Variants in LRRTM4 observed in about 807,000 individuals in gnomAD.
The protein encoded by LRRTM4 is leucine rich repeat transmembrane neuronal 4, also known as leucine-rich repeat transmembrane neuronal protein 4.
In LRRTM4, 25 loss-of-function variants were observed where a neutral mutation model predicts 47.6. That is an observed-to-expected ratio of 0.53 (90% CI 0.38 to 0.73). The LOEUF (loss-of-function observed/expected upper bound fraction) is 0.73, where lower values mean the gene tolerates loss of function less well. Ranked by LOEUF, LRRTM4 falls within the 30% of genes least tolerant of loss-of-function variation. The pLI is 0.00. For missense variants in LRRTM4, 638 were observed against 713.4 expected (o/e 0.89, Z 1.20); for synonymous variants, 311 against 269.5 (o/e 1.15, Z -1.51).
intron 3 of LRRTM4, among the ~76,000 whole-genome samples, chr2:77,366,945 C>T (rs1672483070): frequency 6.6e-6 from 1 of 151,822 alleles, no homozygotes; most frequent in Admixed American, 6.6e-5. Flanking sequence ...TTTCTACTCT[C>T]CTTCATTAAT....
intron 3 of LRRTM4, among the ~76,000 whole-genome samples, chr2:76,780,906 C>G (rs1380196811): frequency 6.6e-6 from 1 of 151,724 alleles, no homozygotes; most frequent in Non-Finnish European, 1.5e-5. Context: ...TACTTTTGGT[C>G]TTTGATGATG....
intron 3 of LRRTM4, among the ~76,000 whole-genome samples, chr2:76,992,510 A>T (rs1047761913): frequency 2.8e-4 from 43 of 151,644 alleles, no homozygotes; most frequent in African/African-American, 1.0e-3. Flanking sequence ...AATTAAAATC[A>T]AGAACATTTT....
chr2:76,871,618 T>G (rs1018824484), intron 3 of LRRTM4, among the ~76,000 whole-genome samples: 1 of 152,200 alleles, frequency 6.6e-6, no homozygotes, highest in African/African-American at 2.4e-5. Flanking sequence ...GACTTCTGGG[T>G]AACCCTCTCC....
At chr2:76,919,443 T>C (rs895498149) in intron 3 of LRRTM4, among the ~76,000 whole-genome samples, 20 of 152,252 alleles carry the variant, frequency 1.3e-4, no homozygotes, top group African/African-American at 4.3e-4. Context: ...CAAGGACCAG[T>C]ACTGAAGACA....
At chr2:77,121,369 A>C (rs1486544071) in intron 3 of LRRTM4, among the ~76,000 whole-genome samples, 1 of 151,786 alleles carries the variant, frequency 6.6e-6, no homozygotes, top group African/African-American at 2.4e-5. Context: ...ATAATAAATT[A>C]CCTCTTCCCA....
At chr2:76,851,754 CGTTTTTT>C (rs1412902957) in intron 3 of LRRTM4, among the ~76,000 whole-genome samples, 17 of 108,644 alleles carry the variant, frequency 1.6e-4, no homozygotes, top group African/African-American at 5.5e-4. Flanking sequence ...AACTTTTATT[CGTTTTTT>C]TTTTTTTTTT....
At chr2:77,463,146 TGTATGGTA>T (rs1676854646) in intron 3 of LRRTM4, among the ~76,000 whole-genome samples, 1 of 152,060 alleles carries the variant, frequency 6.6e-6, no homozygotes, top group African/African-American at 2.4e-5. Flanking sequence ...ACACCTAGGC[TGTATGGTA>T]TAGCCTGTTG....
At chr2:77,390,757 T>A (rs1043315966) in intron 3 of LRRTM4, among the ~76,000 whole-genome samples, 1 of 151,708 alleles carries the variant, frequency 6.6e-6, no homozygotes, top group Non-Finnish European at 1.5e-5. Flanking sequence ...ATTAAATATT[T>A]TACAAGAAAA....
chr2:76,941,784 T>C (rs1675152245), intron 3 of LRRTM4, among the ~76,000 whole-genome samples: 2 of 152,204 alleles, frequency 1.3e-5, no homozygotes, highest in Admixed American at 6.5e-5. Context: ...CGTGTGCATG[T>C]GTCTTTAGAG....
At chr2:77,107,028 C>A (rs2103924195) in intron 3 of LRRTM4, among the ~76,000 whole-genome samples, 1 of 151,962 alleles carries the variant, frequency 6.6e-6, no homozygotes, top group East Asian at 1.9e-4. Context: ...TTTTTCTCAG[C>A]AATTTTTGTA....
intron 3 of LRRTM4, among the ~76,000 whole-genome samples, chr2:77,360,504 TACGATAC>T (rs1672157616): frequency 5.3e-5 from 8 of 150,150 alleles, no homozygotes; most frequent in Non-Finnish European, 1.2e-4. Flanking sequence ...TACGATACGA[TACGATAC>T]GATACGATAC....
intron 3 of LRRTM4, among the ~76,000 whole-genome samples, chr2:77,190,317 C>T (rs1223020767): frequency 1.8e-4 from 20 of 109,050 alleles, no homozygotes; most frequent in Non-Finnish European, 2.8e-4. Context: ...TTTTTTGAGA[C>T]GGAGTTTCAC....
At chr2:77,269,137 A>T (rs1219407878) in intron 3 of LRRTM4, among the ~76,000 whole-genome samples, 1 of 151,966 alleles carries the variant, frequency 6.6e-6, no homozygotes, top group East Asian at 1.9e-4. Context: ...ATTTTCTTTG[A>T]CCTTCCATCT....
At chr2:76,849,763 T>C (rs1671938689) in intron 3 of LRRTM4, among the ~76,000 whole-genome samples, 1 of 152,174 alleles carries the variant, frequency 6.6e-6, no homozygotes, top group Non-Finnish European at 1.5e-5. Flanking sequence ...ATCTGTATTT[T>C]ATAATTAAAG....
intron 3 of LRRTM4, among the ~76,000 whole-genome samples, chr2:76,968,383 T>TATATATACAC (rs797010446): frequency 1.8e-5 from 2 of 111,428 alleles, no homozygotes; most frequent in Non-Finnish European, 3.6e-5. Context: ...TATATATATA[T>TATATATACAC]ACACATACAT....
intron 3 of LRRTM4, among the ~76,000 whole-genome samples, chr2:76,865,715 A>G (rs777635978): frequency 2.0e-5 from 3 of 152,178 alleles, no homozygotes; most frequent in Non-Finnish European, 4.4e-5. Flanking sequence ...AGAGAGAAGT[A>G]TACTTACTCA....
intron 3 of LRRTM4, among the ~76,000 whole-genome samples, chr2:76,823,718 G>A (rs1176796335): frequency 1.3e-5 from 2 of 151,206 alleles, no homozygotes; most frequent in Non-Finnish European, 3.0e-5. Flanking sequence ...CATAAGAGAG[G>A]GGATTCACTG....
At chr2:76,931,871 C>T (rs1045267790) in intron 3 of LRRTM4, among the ~76,000 whole-genome samples, 9 of 152,082 alleles carry the variant, frequency 5.9e-5, no homozygotes, top group African/African-American at 2.2e-4. Context: ...CCTAAAAATT[C>T]CTACTAATAA....
intron 3 of LRRTM4, among the ~76,000 whole-genome samples, chr2:77,035,821 C>T (rs993458105): frequency 2.6e-5 from 4 of 151,592 alleles, no homozygotes; most frequent in African/African-American, 9.7e-5. Flanking sequence ...TAAAATGTTC[C>T]CTAGCTACTA....
Sources: allele counts gnomAD v4.1 joint callset (sites outside exome capture counted in the v4.1 genomes callset), GRCh38; gene constraint gnomAD v4.1.1; transcripts MANE v1.5; gene names NCBI Gene and HGNC (gene_info 2026-07-23, HGNC 2026-07-21).